The following RBMS2 variants were observed in gnomAD, a reference collection of about 807,000 sequenced individuals.
RBMS2 encodes the protein RNA binding motif single stranded interacting protein 2.
A neutral mutation model predicts 58.4 loss-of-function variants in RBMS2; 38 were observed. That is an observed-to-expected ratio of 0.65 (90% CI 0.50 to 0.85). RBMS2 has a LOEUF of 0.85. Ranked by LOEUF, RBMS2 falls within the 40% of genes least tolerant of loss-of-function variation. RBMS2 has a pLI of 0.00. For synonymous variants in RBMS2, 151 were observed against 180.7 expected, an observed-to-expected ratio of 0.84 and a Z score of 1.32; for missense variants, 367 against 503.7, an observed-to-expected ratio of 0.73 and a Z score of 2.60.
rs1885671866 is a variant in RBMS2 at position 56,595,401 on chromosome 12, A to AACAG, written c.*6272_*6275dup. ...TGTGGACAGAAAATGTTTATACTTA[A>AACAG]ACAGACATATTTTGCATATTTTTAT... On this transcript the variant is annotated 3_prime_UTR_variant, in exon 14 of 14. Coordinates refer to ENST00000262031, the MANE Select transcript of RBMS2 (RefSeq NM_002898.4). The AACAG allele has an allele frequency of 6.6e-6, 1 of 152,016 alleles. No homozygotes were observed. Among genetic ancestry groups the AACAG allele is most frequent in the Admixed American group, 6.6e-5 (1 of 15,266 alleles). The allele number at this position is 152,016 out of a possible 1,614,324, so 9.4% of individuals were successfully genotyped here.
At chr12:56,581,610 T>C in intron 7 of RBMS2, 102 bp downstream of exon 7, 2 of 1,284,130 alleles carry the variant, frequency 1.6e-6, no homozygotes, top group East Asian at 2.4e-5. Context: ...GCTTGAGAGC[T>C]ACAGTACGTA....
intron 9 of RBMS2, among the ~76,000 whole-genome samples, chr12:56,584,443 A>G (rs953351911): frequency 9.9e-5 from 15 of 151,984 alleles, no homozygotes; most frequent in Admixed American, 7.9e-4. Flanking sequence ...AAAAAAAAAA[A>G]AAAAAGTTTA....
intron 4 of RBMS2, 81 bp downstream of exon 4, chr12:56,570,071 C>T: frequency 7.6e-7 from 1 of 1,321,776 alleles, no homozygotes; most frequent in Non-Finnish European, 1.1e-6. Flanking sequence ...TTCCAGAGGG[C>T]TTAAGAACCA....
In RBMS2 at chr12:56,594,947, A is replaced by AATT. The variant is rs1317581531; in HGVS notation, c.*5816_*5818dup. ...GGCTCATAATTTTTAAACTCTTGGG[A>AATT]ATTAAACTTGGGAATTTCTATTCCT... On this transcript the variant is annotated 3_prime_UTR_variant, in exon 14 of 14. Transcript: ENST00000262031. 2 of 152,106 alleles carry AATT rather than the reference A, an allele frequency of 1.3e-5. No individual in the cohort carries two copies. Among genetic ancestry groups the AATT allele is most frequent in the Admixed American group, 6.5e-5 (1 of 15,270 alleles). 9.4% of individuals were successfully genotyped at this position (152,106 alleles called of 1,614,324 possible).
intron 11 of RBMS2, 67 bp downstream of exon 11, chr12:56,587,731 A>C (rs1884869615): frequency 6.6e-7 from 1 of 1,511,310 alleles, no homozygotes; most frequent in Non-Finnish European, 9.0e-7. Flanking sequence ...AATACTCTTC[A>C]GCGTAAGTAA....
chr12:56,525,050 T>G (rs4759247), intron 1 of RBMS2, among the ~76,000 whole-genome samples: 60,582 of 151,492 alleles, frequency 0.4, 13,794 homozygotes, highest in East Asian at 0.6. Context: ...TTTACTTAAT[T>G]TTTTTCCTCA....
intron 9 of RBMS2, among the ~76,000 whole-genome samples, chr12:56,584,979 A>G (rs1884490662): frequency 6.6e-6 from 1 of 151,932 alleles, no homozygotes; most frequent in African/African-American, 2.4e-5. Context: ...ATATGCCACC[A>G]TGCCTGGGTA....
At chr12:56,564,901 A>G (rs1013877554) in intron 2 of RBMS2, among the ~76,000 whole-genome samples, 1 of 152,136 alleles carries the variant, frequency 6.6e-6, no homozygotes, top group Non-Finnish European at 1.5e-5. Context: ...TTGAACCCAG[A>G]AAGCAGACGT....
intron 3 of RBMS2, among the ~76,000 whole-genome samples, chr12:56,569,501 C>T (rs898674049): frequency 6.6e-6 from 1 of 152,100 alleles, no homozygotes; most frequent in Admixed American, 6.6e-5. Context: ...CTTCTTCCAG[C>T]AGGTGGCTGG....
Position 56,592,208 on chromosome 12 carries a change from C to T in RBMS2, c.*3075C>T, listed in dbSNP as rs1885351524. 1 of 152,190 alleles carries T rather than the reference C, an allele frequency of 6.6e-6. No individual in the cohort carries two copies. Among genetic ancestry groups the T allele is most frequent in the African/African-American group, 2.4e-5 (1 of 41,454 alleles). The allele number at this position is 152,190 out of a possible 1,614,324, so 9.4% of individuals were successfully genotyped here. On this transcript the variant is annotated 3_prime_UTR_variant, in exon 14 of 14. Coordinates refer to ENST00000262031, the MANE Select transcript of RBMS2 (RefSeq NM_002898.4). ...AATGCTGTCTTCATGGAGCCCAGCT[C>T]TTACTCTCTTTGTACTTTACATCTC...
chr12:56,552,648 C>T (rs887879640), intron 1 of RBMS2, among the ~76,000 whole-genome samples: 1 of 151,912 alleles, frequency 6.6e-6, no homozygotes, highest in Non-Finnish European at 1.5e-5. Flanking sequence ...CCCTCAAGCC[C>T]AGGAGTACGA....
intron 1 of RBMS2, among the ~76,000 whole-genome samples, chr12:56,536,732 T>C (rs1874945841): frequency 6.6e-6 from 1 of 151,726 alleles, no homozygotes; most frequent in Non-Finnish European, 1.5e-5. Flanking sequence ...CATGCCTGGC[T>C]AATTTTTTGT....
At position 56,581,997 on chromosome 12, in the gene RBMS2, A is replaced by G. The variant is rs1490374107; in HGVS notation, c.780-62A>G. On this transcript the variant is annotated intron_variant, in intron 8 of 13. Transcript: ENST00000262031. Reference sequence around the variant, plus strand: ...CAAGGGAACGTTGGCTGTGCCTATCAGTTGGGACCCTTCCCTTGTGGTTTC... The same window carrying G: ...CAAGGGAACGTTGGCTGTGCCTATCGGTTGGGACCCTTCCCTTGTGGTTTC... 1.9e-6 allele frequency: 3 copies of G among 1,564,394 alleles called. No homozygotes were observed. In the East Asian group the frequency reaches 6.7e-5, roughly 35 times the overall value.
intron 1 of RBMS2, among the ~76,000 whole-genome samples, chr12:56,542,971 T>C (rs1294580563): frequency 1.3e-5 from 2 of 152,212 alleles, no homozygotes; most frequent in African/African-American, 2.4e-5. Flanking sequence ...AATGATACAA[T>C]CTTAGCTCAC....
At chr12:56,552,214 G>A (rs1313801625) in intron 1 of RBMS2, among the ~76,000 whole-genome samples, 1 of 152,146 alleles carries the variant, frequency 6.6e-6, no homozygotes, top group Non-Finnish European at 1.5e-5. Context: ...TGATTTTTTT[G>A]TGTGAAATGC....
chr12:56,548,967 T>C (rs1266636243), intron 1 of RBMS2, among the ~76,000 whole-genome samples: 1 of 152,146 alleles, frequency 6.6e-6, no homozygotes, highest in Non-Finnish European at 1.5e-5. Context: ...AATGAGCACT[T>C]GATCGGAGAG....
intron 13 of RBMS2, 27 bp from the exon 14 acceptor site, chr12:56,589,113 C>T (rs1885098936): frequency 1.3e-6 from 2 of 1,591,032 alleles, no homozygotes; most frequent in Admixed American, 1.8e-5. Context: ...TTTGTCTTGT[C>T]TCCTCTCTGG....
intron 5 of RBMS2, among the ~76,000 whole-genome samples, chr12:56,579,534 T>C (rs1883611340): frequency 6.6e-6 from 1 of 151,192 alleles, no homozygotes; most frequent in Non-Finnish European, 1.5e-5. Context: ...CTTGGGAGGC[T>C]GAGGCAGGAG....
chr12:56,545,948 T>C (rs889212852), intron 1 of RBMS2, among the ~76,000 whole-genome samples: 10 of 151,252 alleles, frequency 6.6e-5, no homozygotes, highest in Admixed American at 4.6e-4. Flanking sequence ...TTTTTTTTTT[T>C]TTTTTTGAGA....
Sources: allele counts gnomAD v4.1 joint callset (sites outside exome capture counted in the v4.1 genomes callset), GRCh38; gene constraint gnomAD v4.1.1; transcripts MANE v1.5; gene names NCBI Gene and HGNC (gene_info 2026-07-23, HGNC 2026-07-21).